The following KICS2 variants were observed in gnomAD, a reference collection of about 807,000 sequenced individuals.
KICS2 encodes KICSTOR subunit 2.
A neutral mutation model predicts 31.4 loss-of-function variants in KICS2; 13 were observed. The observed-to-expected ratio is 0.41, with a 90% confidence interval of 0.27 to 0.66. The LOEUF is 0.66. KICS2 is among the 30% of genes least tolerant of loss of function. KICS2 has a pLI of 0.28. For missense variants in KICS2, 455 were observed against 545.4 expected, an observed-to-expected ratio of 0.83 and a Z score of 1.65; for synonymous variants, 209 against 214.8, an observed-to-expected ratio of 0.97 and a Z score of 0.24.
At chr12:64,221,376 T>C (rs2037681388) in intron 1 of KICS2, 1 of 152,356 alleles carries the variant, frequency 6.6e-6, no homozygotes, top group Non-Finnish European at 1.5e-5. Flanking sequence ...CTTCTACTAG[T>C]AAAAATCAGT....
In KICS2 at chr12:64,192,623, A is replaced by G. The variant is rs1292838109; in HGVS notation, c.*1219T>C. 1 of 985,258 alleles carries G rather than the reference A, an allele frequency of 1.0e-6. No individual in the cohort carries two copies. The highest frequency in any genetic ancestry group is 1.1e-4 in the East Asian group (1 of 8,832). 61.0% of individuals were successfully genotyped at this position (985,258 alleles called of 1,614,324 possible). On this transcript the variant is annotated 3_prime_UTR_variant, in exon 3 of 3. Coordinates refer to ENST00000398055, the MANE Select transcript of KICS2 (RefSeq NM_152440.5). Reference sequence around the variant, plus strand: ...ACACAAGCTTCAAAGGAACCATCAAACCAGTAACAACTCAATTACTCTTTG... The same window carrying G: ...ACACAAGCTTCAAAGGAACCATCAAGCCAGTAACAACTCAATTACTCTTTG...
Position 64,193,571 on chromosome 12 carries a change from A to G in KICS2, c.*271T>C. 1 of 1,194,446 alleles carries G rather than the reference A, an allele frequency of 8.4e-7. No individual in the cohort carries two copies. The highest frequency in any genetic ancestry group is 3.2e-5 in the South Asian group (1 of 30,834). The allele number at this position is 1,194,446 out of a possible 1,614,324, so 74.0% of individuals were successfully genotyped here. On this transcript the variant is annotated 3_prime_UTR_variant, in exon 3 of 3. Coordinates refer to ENST00000398055, the MANE Select transcript of KICS2 (RefSeq NM_152440.5). ...GCCCAATAAATATTCAATCTACAAG[A>G]AATATAGCAAAATAGGGGAAAATAC...
intron 2 of KICS2, among the ~76,000 whole-genome samples, chr12:64,203,691 G>C (rs1041659418): frequency 2.0e-5 from 3 of 151,826 alleles, no homozygotes; most frequent in Non-Finnish European, 4.4e-5. Context: ...AGTGTATCTA[G>C]AATTTTTAAA....
intron 1 of KICS2, among the ~76,000 whole-genome samples, chr12:64,218,098 T>C (rs560387430): frequency 2.0e-4 from 30 of 152,314 alleles, no homozygotes; most frequent in African/African-American, 7.0e-4. Flanking sequence ...AAAGTCCATA[T>C]GGGTACAGGT....
intron 2 of KICS2, among the ~76,000 whole-genome samples, chr12:64,214,163 T>C (rs569394978): frequency 8.5e-5 from 13 of 152,336 alleles, no homozygotes; most frequent in Non-Finnish European, 1.3e-4. Context: ...AGTACAAATT[T>C]TCAACCTGGA....
chr12:64,201,773 G>C (rs1025431458), intron 2 of KICS2, among the ~76,000 whole-genome samples: 8 of 105,292 alleles, frequency 7.6e-5, no homozygotes, highest in East Asian at 4.3e-4. Flanking sequence ...AACCTGGGGT[G>C]GGGGGGCAAG....
Position 64,194,613 on chromosome 12 carries a change from C to G in KICS2, c.567G>C (p.Leu189=). 1 of 1,614,022 alleles carries G rather than the reference C, an allele frequency of 6.2e-7. No individual in the cohort carries two copies. Among genetic ancestry groups the G allele is most frequent in the Non-Finnish European group, 8.5e-7 (1 of 1,179,960 alleles). ...ILSPLESSFQ[L]EVDVLCHLLK... ...GGAGATGACACAGGACGTCAACTTC[C>G]AGCTGGAAACTGCTTTCCAAAGGAC... is the stretch of plus-strand genomic sequence containing the variant. The change falls in exon 3 of 3, where the codon CTG becomes CTC. Residue 189 remains leucine (L), a synonymous_variant. Coordinates refer to ENST00000398055, the MANE Select transcript of KICS2 (RefSeq NM_152440.5).
intron 2 of KICS2, among the ~76,000 whole-genome samples, chr12:64,214,014 T>C (rs561482810): frequency 2.7e-4 from 41 of 152,352 alleles, no homozygotes; most frequent in African/African-American, 9.9e-4. Context: ...CATCATAGCC[T>C]GCTAAACTAA....
downstream of KICS2, among the ~76,000 whole-genome samples, chr12:64,188,611 A>G (rs985429175): frequency 4.6e-5 from 7 of 151,886 alleles, no homozygotes; most frequent in Admixed American, 2.0e-4. Context: ...GAGGGAGAGG[A>G]AAAAATGTGG....
Position 64,215,483 on chromosome 12 carries a change from G to A in KICS2, c.521+195C>T, listed in dbSNP as rs983317781. 1.1e-4 allele frequency among the ~76,000 whole-genome samples: 16 copies of A among 152,242 alleles called. No individual in the cohort carries two copies. In the East Asian group the frequency reaches 1.2e-3, roughly 11 times the overall value. The stretch of plus-strand genomic sequence containing the variant: ...GGTCTTTTGCTATTGCTTAGCAGCC[G>A]TGTGGTGTTAATAAGACCAATGAAG... On this transcript the variant is annotated intron_variant, in intron 2 of 2. Coordinates refer to ENST00000398055, the MANE Select transcript of KICS2 (RefSeq NM_152440.5).
intron 1 of KICS2, among the ~76,000 whole-genome samples, chr12:64,219,558 G>C (rs1199506825): frequency 6.6e-6 from 1 of 152,028 alleles, no homozygotes; most frequent in Non-Finnish European, 1.5e-5. Context: ...ATCCATAAGA[G>C]AGGTAAAAAA....
At chr12:64,221,868 G>T in intron 1 of KICS2, 135 bp downstream of exon 1, 1 of 983,690 alleles carries the variant, frequency 1.0e-6, no homozygotes, top group East Asian at 2.6e-5. Context: ...GGAACGGTGG[G>T]AGGAGATCTG....
intron 2 of KICS2, among the ~76,000 whole-genome samples, chr12:64,209,764 G>A (rs2037568148): frequency 6.6e-6 from 1 of 152,156 alleles, no homozygotes; most frequent in East Asian, 1.9e-4. Flanking sequence ...AAGGCCAGAG[G>A]TTTAGATTCC....
chr12:64,195,174 C>G (rs1219831331), intron 2 of KICS2, among the ~76,000 whole-genome samples: 1 of 152,154 alleles, frequency 6.6e-6, no homozygotes, highest in African/African-American at 2.4e-5. Flanking sequence ...CTTGGCCTTC[C>G]AAAGCGCTGG....
intron 2 of KICS2, among the ~76,000 whole-genome samples, chr12:64,210,201 T>G (rs75351604): frequency 0.011 from 1,711 of 152,322 alleles, 26 homozygotes; most frequent in African/African-American, 0.039. Context: ...TTTAGATCAT[T>G]TTCAGGCTAG....
At chr12:64,205,044 A>G (rs767801106) in intron 2 of KICS2, 2 of 152,230 alleles carry the variant, frequency 1.3e-5, no homozygotes, top group Non-Finnish European at 2.9e-5. Context: ...ACAATCTTCT[A>G]TAATCATGGC....
Position 64,191,890 on chromosome 12 carries a change from CAT to C in KICS2, c.*1950_*1951del, listed in dbSNP as rs1483172388. ...AGGAGTTTGAGTCCAGCCCGAGCAA[CAT>C]AGTGAGACCCAGGTGTGATGGCTCA... On this transcript the variant is annotated 3_prime_UTR_variant, in exon 3 of 3. Coordinates refer to ENST00000398055, the MANE Select transcript of KICS2 (RefSeq NM_152440.5). 2 of 151,888 alleles carry C rather than the reference CAT, an allele frequency of 1.3e-5. No individual in the cohort carries two copies. The highest frequency in any genetic ancestry group is 2.9e-5 in the Non-Finnish European group (2 of 68,044). 9.4% of individuals were successfully genotyped at this position (151,888 alleles called of 1,614,324 possible).
chr12:64,215,628 G>T, intron 2 of KICS2, 50 bp downstream of exon 2: 1 of 1,493,606 alleles, frequency 6.7e-7, no homozygotes, highest in Non-Finnish European at 9.1e-7. Context: ...GAGCTTGTGT[G>T]GGATTGATAG....
Position 64,220,004 on chromosome 12 carries a change from A to G in KICS2, c.235+1999T>C, listed in dbSNP as rs780510946. 1.6e-4 allele frequency among the ~76,000 whole-genome samples: 24 copies of G among 152,332 alleles called. 1 individual carries two copies. The highest frequency in any genetic ancestry group is 5.8e-4 in the East Asian group (3 of 5,190). On this transcript the variant is annotated intron_variant, in intron 1 of 2. Coordinates refer to ENST00000398055, the MANE Select transcript of KICS2 (RefSeq NM_152440.5). ...GTGTAGTCGTATTGTAAGCACACTG[A>G]TATCATATACACTCCAGTACCCAAA...
Sources: allele counts gnomAD v4.1 joint callset (sites outside exome capture counted in the v4.1 genomes callset), GRCh38; gene constraint gnomAD v4.1.1; transcripts MANE v1.5; gene names NCBI Gene and HGNC (gene_info 2026-07-23, HGNC 2026-07-21).